Variants in ANK3 observed in about 807,000 individuals in gnomAD.
The protein encoded by ANK3 is ankyrin-3.
In ANK3, 57 loss-of-function variants were observed where a neutral mutation model predicts 370.9. The observed-to-expected ratio is 0.15, with a 90% confidence interval of 0.12 to 0.19. The LOEUF is 0.19. Among genes scored for constraint, ANK3 ranks in the 10% least tolerant of loss-of-function variants. The pLI is 1.00. For synonymous variants in ANK3, 1,929 were observed against 1,946.3 expected (o/e 0.99, Z 0.23); for missense variants, 4,439 against 5,302.1 (o/e 0.84, Z 5.06).
intron 2 of ANK3, among the ~76,000 whole-genome samples, chr10:60,587,634 G>C (rs2077850900): frequency 6.6e-6 from 1 of 152,214 alleles, no homozygotes; most frequent in South Asian, 2.1e-4. Context: ...AACAGTAATA[G>C]ATAGAATGGA....
intron 42 of ANK3, chr10:60,044,223 A>G: frequency 1.0e-6 from 1 of 984,766 alleles, no homozygotes. Context: ...AATGCAGAAA[A>G]TCTAAATTCC....
At chr10:60,476,491 T>G (rs2075068294) in intron 2 of ANK3, among the ~76,000 whole-genome samples, 1 of 152,150 alleles carries the variant, frequency 6.6e-6, no homozygotes, top group African/African-American at 2.4e-5. Context: ...TTCTTTCAGC[T>G]AACAAAGAGC....
At chr10:60,664,018 G>A (rs1449668705) in intron 1 of ANK3, among the ~76,000 whole-genome samples, 1 of 152,132 alleles carries the variant, frequency 6.6e-6, no homozygotes, top group Non-Finnish European at 1.5e-5. Context: ...TGTCTCAGAA[G>A]GCAAAACAAA....
At chr10:60,285,269 C>A (rs549037502) in intron 1 of ANK3, among the ~76,000 whole-genome samples, 1 of 152,258 alleles carries the variant, frequency 6.6e-6, no homozygotes, top group East Asian at 1.9e-4. Flanking sequence ...CAGCTAGGCA[C>A]TCAATTAAAT....
chr10:60,307,171 T>A (rs2045326277), intron 1 of ANK3, among the ~76,000 whole-genome samples: 1 of 152,234 alleles, frequency 6.6e-6, no homozygotes, highest in Admixed American at 6.5e-5. Context: ...TTACAAATTG[T>A]CTATGACTGC....
chr10:60,679,772 C>T (rs575238162), intron 1 of ANK3, among the ~76,000 whole-genome samples: 1 of 152,296 alleles, frequency 6.6e-6, no homozygotes, highest in African/African-American at 2.4e-5. Flanking sequence ...ACTTGGCCCT[C>T]TTCCAAGTGT....
intron 1 of ANK3, among the ~76,000 whole-genome samples, chr10:60,354,832 AT>A (rs929417552): frequency 1.3e-5 from 2 of 152,176 alleles, no homozygotes; most frequent in African/African-American, 4.8e-5. Context: ...CGTTTATCTT[AT>A]GCTTATGAAT....
chr10:60,180,626 C>CAAAAAAAAAAAAAAAA (rs1565506436), intron 18 of ANK3, among the ~76,000 whole-genome samples: 1 of 119,282 alleles, frequency 8.4e-6, no homozygotes, highest in Non-Finnish European at 1.7e-5. Context: ...AAAAAAAAAA[C>CAAAAAAAAAAAAAAAA]ATGTTAGAGT....
rs543646355 is a variant in ANK3, at chr10:60,387,756, C to T, written c.114+1669G>A. Among the ~76,000 whole-genome samples the T allele has an allele frequency of 7.2e-5, 11 of 152,272 alleles. 1 individual carries two copies. Among genetic ancestry groups the T allele is most frequent in the African/African-American group, 2.6e-4 (11 of 41,546 alleles). On this transcript the variant is annotated intron_variant, in intron 1 of 43. Transcript: ENST00000280772. ...TTGGTCCACAAAGCATTTGCTACAG[C>T]TCATTGAGTCCAGAAACTCCCTCTG...
At chr10:60,298,745 C>T (rs1210036720) in intron 1 of ANK3, among the ~76,000 whole-genome samples, 2 of 152,112 alleles carry the variant, frequency 1.3e-5, no homozygotes, top group Non-Finnish European at 2.9e-5. Flanking sequence ...TTTATTTAGG[C>T]TTTCCTTTTG....
chr10:60,441,297 T>C (rs1229309927), intron 2 of ANK3, among the ~76,000 whole-genome samples: 1 of 152,184 alleles, frequency 6.6e-6, no homozygotes, highest in Non-Finnish European at 1.5e-5. Context: ...CCTGAGAACA[T>C]GCAATTTCTT....
chr10:60,457,047 A>G (rs2064766002), intron 2 of ANK3, among the ~76,000 whole-genome samples: 1 of 152,132 alleles, frequency 6.6e-6, no homozygotes, highest in South Asian at 2.1e-4. Flanking sequence ...CCTGGAGTCA[A>G]TCTAAGGAAG....
At chr10:60,247,084 C>T (rs1227125756) in intron 7 of ANK3, among the ~76,000 whole-genome samples, 1 of 152,120 alleles carries the variant, frequency 6.6e-6, no homozygotes, top group African/African-American at 2.4e-5. Context: ...GGCATGATCT[C>T]GGCTCAATGC....
At chr10:60,173,905 T>C (rs546875353) in intron 18 of ANK3, among the ~76,000 whole-genome samples, 11 of 152,288 alleles carry the variant, frequency 7.2e-5, no homozygotes, top group African/African-American at 1.7e-4. Flanking sequence ...ACAATCTAGA[T>C]AATTATTTTC....
chr10:60,264,029 A>C lies in ANK3; in HGVS notation c.514-9T>G, dbSNP rs747295050. On this transcript the variant is annotated splice_polypyrimidine_tract_variant and intron_variant, in intron 5 of 43. Transcript: ENST00000280772. ...AATGGTGTGAAGCCATCCTGCAAAT[A>C]AATGGATGGGTCAAGATGGGCTCCA... The C allele has an allele frequency of 2.5e-6, 4 of 1,612,716 alleles. No individual in the cohort carries two copies. Among genetic ancestry groups the C allele is most frequent in the Middle Eastern group, 1.6e-4 (1 of 6,082 alleles).
Position 60,105,991 on chromosome 10 carries a change from C to T in ANK3, c.3242G>A (p.Arg1081Gln), listed in dbSNP as rs771794834. 1.8e-5 allele frequency: 29 copies of T among 1,612,474 alleles called. No individual in the cohort carries two copies. Among genetic ancestry groups the T allele is most frequent in the Admixed American group, 3.3e-5 (2 of 59,858 alleles). ...CTTCCAAGTTTCACCATTTTCACTT[C>T]GAAGAACAATGAGTTCTCTCTCTTT... ...RGKERELIVL[R>Q]SENGETWKEH... is the part of the protein sequence containing the mutation. Residue 1081 changes from arginine to glutamine, a missense_variant, in exon 28 of 44, where the codon CGA becomes CAA. Around this residue, in one of 13 missense-constraint regions of ANK3, gnomAD observed 702 missense variants for 941.5 expected, o/e 0.75. Coordinates refer to ENST00000280772, the MANE Select transcript of ANK3 (RefSeq NM_020987.5).
At chr10:60,179,880 A>C (rs2096100159) in intron 18 of ANK3, among the ~76,000 whole-genome samples, 1 of 152,126 alleles carries the variant, frequency 6.6e-6, no homozygotes, top group Non-Finnish European at 1.5e-5. Flanking sequence ...GCTGAATTTT[A>C]GGGCATGGCT....
chr10:60,051,877 C>A (rs1356376228), intron 42 of ANK3, among the ~76,000 whole-genome samples: 1 of 151,730 alleles, frequency 6.6e-6, no homozygotes, highest in Non-Finnish European at 1.5e-5. Context: ...GCAGAAACTA[C>A]AATTAAATCA....
At chr10:60,724,232 A>G (rs1023905230) in intron 1 of ANK3, among the ~76,000 whole-genome samples, 3 of 149,262 alleles carry the variant, frequency 2.0e-5, no homozygotes, top group African/African-American at 4.9e-5. Flanking sequence ...AAAAAAAAAA[A>G]GAAATGGATT....
Sources: gnomAD v4.1 joint callset for allele counts (sites outside exome capture counted in the v4.1 genomes callset) on GRCh38, gnomAD v4.1.1 for gene constraint, gnomAD v4.1.1 regional missense constraint, MANE v1.5 for transcripts, NCBI Gene and HGNC (gene_info 2026-07-23, HGNC 2026-07-21) for gene names.